Variants in SIPA1L1 observed in about 807,000 individuals in gnomAD.
The protein encoded by SIPA1L1 is signal-induced proliferation-associated 1-like protein 1.
A neutral mutation model predicts 162.7 loss-of-function variants in SIPA1L1; 26 were observed. The ratio of observed to expected loss-of-function variants is 0.16; its 90% CI spans 0.12 to 0.22. The LOEUF (loss-of-function observed/expected upper bound fraction) is 0.22. Ranked by LOEUF, SIPA1L1 falls within the 10% of genes least tolerant of loss-of-function variation. SIPA1L1 has a pLI of 1.00. For synonymous variants in SIPA1L1, 829 were observed against 837.4 expected (o/e 0.99, Z 0.17); for missense variants, 1,874 against 2,241.0 (o/e 0.84, Z 3.31).
At chr14:71,538,876 C>T (rs2054131078) in intron 4 of SIPA1L1, among the ~76,000 whole-genome samples, 1 of 152,218 alleles carries the variant, frequency 6.6e-6, no homozygotes, top group Non-Finnish European at 1.5e-5. Context: ...TAAGTAGTTA[C>T]AGTCTGTTCT....
chr14:71,329,152 C>T lies in SIPA1L1; in HGVS notation c.-465+7971C>T, dbSNP rs138198634. Among the ~76,000 whole-genome samples the T allele has an allele frequency of 7.4e-4, 113 of 152,300 alleles. No individual in the cohort carries two copies. The East Asian group carries it at 0.014, about 20-fold the overall frequency. On this transcript the variant is annotated intron_variant, in intron 2 of 23. Coordinates refer to ENST00000381232, the MANE Select transcript of SIPA1L1 (RefSeq NM_001386936.1). ...AGTATTCCGTCGTATGGGTATACCA[C>T]ATTTTGTTTATCCATTTATCTGTGG...
At chr14:71,326,301 T>C (rs1383567381) in intron 2 of SIPA1L1, among the ~76,000 whole-genome samples, 1 of 151,516 alleles carries the variant, frequency 6.6e-6, no homozygotes, top group African/African-American at 2.4e-5. Context: ...CTCTGCCTCC[T>C]GGGTTCAAGC....
rs149966175 is a variant in SIPA1L1 at position 71,345,377 on chromosome 14, G to A, written c.-465+24196G>A. 5.9e-5 allele frequency among the ~76,000 whole-genome samples: 9 copies of A among 152,274 alleles called. No individual in the cohort carries two copies. The East Asian group carries it at 1.7e-3, about 29-fold the overall frequency. ...TGTGCCAGTCCTTTGGGATTCAAAGGATGTCCTCACCTCTGTAGGATTAAG... is the reference window on the plus strand; with the variant it reads ...TGTGCCAGTCCTTTGGGATTCAAAGAATGTCCTCACCTCTGTAGGATTAAG... On this transcript the variant is annotated intron_variant, in intron 2 of 23. Transcript: ENST00000381232.
chr14:71,672,697 A>C, intron 12 of SIPA1L1, 75 bp downstream of exon 12: 2 of 1,473,462 alleles, frequency 1.4e-6, no homozygotes. Context: ...ATCTCTTAGC[A>C]GGTAGTGGAG....
intron 12 of SIPA1L1, among the ~76,000 whole-genome samples, chr14:71,676,716 A>G (rs1217650686): frequency 6.8e-6 from 1 of 146,916 alleles, no homozygotes; most frequent in African/African-American, 2.5e-5. Flanking sequence ...ATGAGTAAGA[A>G]CATGTGGTGT....
intron 12 of SIPA1L1, among the ~76,000 whole-genome samples, chr14:71,679,975 A>G (rs973296198): frequency 1.3e-5 from 2 of 152,182 alleles, no homozygotes; most frequent in African/African-American, 2.4e-5. Flanking sequence ...CTCCCACACA[A>G]TAATAATGGG....
intron 17 of SIPA1L1, among the ~76,000 whole-genome samples, chr14:71,721,684 C>G (rs931178335): frequency 2.6e-5 from 4 of 152,146 alleles, no homozygotes; most frequent in African/African-American, 9.7e-5. Flanking sequence ...TTTCCTTTCC[C>G]TAAGTGGAAG....
At chr14:71,626,313 T>C (rs937022778) in intron 7 of SIPA1L1, among the ~76,000 whole-genome samples, 2 of 152,192 alleles carry the variant, frequency 1.3e-5, no homozygotes, top group African/African-American at 4.8e-5. Context: ...CAGTGGAATC[T>C]AGAGGTTCAA....
At chr14:71,411,204 T>C (rs1330141349) in intron 2 of SIPA1L1, among the ~76,000 whole-genome samples, 2 of 152,186 alleles carry the variant, frequency 1.3e-5, no homozygotes, top group Non-Finnish European at 2.9e-5. Context: ...CCTTTCTTTT[T>C]TGGAACTGAA....
intron 7 of SIPA1L1, among the ~76,000 whole-genome samples, chr14:71,648,443 G>A (rs1334699638): frequency 1.3e-5 from 2 of 152,158 alleles, no homozygotes; most frequent in Admixed American, 1.3e-4. Context: ...TCTCCCCTGT[G>A]ACATTTTCCG....
At chr14:71,682,551 C>G (rs2045903266) in intron 12 of SIPA1L1, among the ~76,000 whole-genome samples, 1 of 152,172 alleles carries the variant, frequency 6.6e-6, no homozygotes, top group Admixed American at 6.5e-5. Flanking sequence ...TCTCTCTGCT[C>G]AGACTTTATC....
intron 17 of SIPA1L1, among the ~76,000 whole-genome samples, chr14:71,717,488 T>A (rs2083363109): frequency 6.6e-6 from 1 of 152,202 alleles, no homozygotes; most frequent in African/African-American, 2.4e-5. Context: ...CTCTTTTCCT[T>A]TTGTTAGATA....
At chr14:71,585,031 T>G (rs575168602) in intron 4 of SIPA1L1, among the ~76,000 whole-genome samples, 11 of 152,274 alleles carry the variant, frequency 7.2e-5, no homozygotes, top group South Asian at 2.1e-4. Flanking sequence ...AGCATTATTT[T>G]TGACTGGTAG....
chr14:71,545,757 C>T (rs1169001350), intron 4 of SIPA1L1, among the ~76,000 whole-genome samples: 1 of 152,110 alleles, frequency 6.6e-6, no homozygotes, highest in Non-Finnish European at 1.5e-5. Flanking sequence ...AAATGGACAT[C>T]TTGCATTATT....
At chr14:71,427,500 T>TG (rs1195392840) in intron 2 of SIPA1L1, among the ~76,000 whole-genome samples, 1 of 152,206 alleles carries the variant, frequency 6.6e-6, no homozygotes, top group Admixed American at 6.5e-5. Flanking sequence ...TGTGTATCAA[T>TG]GGGGGTCTCT....
chr14:71,349,850 C>T (rs1407378551), intron 2 of SIPA1L1, among the ~76,000 whole-genome samples: 1 of 152,158 alleles, frequency 6.6e-6, no homozygotes, highest in Non-Finnish European at 1.5e-5. Context: ...GTGGGGGAAG[C>T]AGACGCATTA....
chr14:71,407,638 C>T (rs953314789), intron 2 of SIPA1L1, among the ~76,000 whole-genome samples: 3 of 152,128 alleles, frequency 2.0e-5, no homozygotes, highest in Non-Finnish European at 2.9e-5. Flanking sequence ...TCCCAAGTAG[C>T]TGGGACTACA....
At position 71,593,194 on chromosome 14, in the gene SIPA1L1, T is replaced by C. The variant is rs568869252; in HGVS notation, c.1498+3824T>C. Reference sequence around the variant, plus strand: ...GAGTATGTATGTGTTTTGTGTTATTTATTTATTTATTTATTTATTTATTTA... The same window carrying C: ...GAGTATGTATGTGTTTTGTGTTATTCATTTATTTATTTATTTATTTATTTA... On this transcript the variant is annotated intron_variant, in intron 5 of 23. Transcript: ENST00000381232. 9.7e-4 allele frequency among the ~76,000 whole-genome samples: 143 copies of C among 147,614 alleles called. 1 individual carries two copies. The highest frequency in any genetic ancestry group is 1.3e-3 in the Non-Finnish European group (87 of 65,490).
chr14:71,332,322 A>G (rs2034638845), intron 2 of SIPA1L1, among the ~76,000 whole-genome samples: 2 of 152,102 alleles, frequency 1.3e-5, no homozygotes, highest in African/African-American at 4.8e-5. Flanking sequence ...ATACTCTTCT[A>G]GTGACTTATG....
Sources: allele counts gnomAD v4.1 joint callset (sites outside exome capture counted in the v4.1 genomes callset), GRCh38; gene constraint gnomAD v4.1.1; transcripts MANE v1.5; gene names NCBI Gene and HGNC (gene_info 2026-07-23, HGNC 2026-07-21).